NMU: variants seen among roughly 807,000 people sequenced by gnomAD.
NMU encodes the protein neuromedin-U.
A neutral mutation model predicts 35.4 loss-of-function variants in NMU; 29 were observed. The observed-to-expected ratio is 0.82, with a 90% CI of 0.61 to 1.12. The LOEUF is 1.12. NMU is among the 50% of genes most tolerant of loss of function. The probability of loss-of-function intolerance (pLI) is 0.00; values close to 1 mark genes in which losing one functional copy is unlikely to be tolerated. For missense variants in NMU, 199 were observed against 206.2 expected (o/e 0.97, Z 0.21); for synonymous variants, 78 against 81.3 (o/e 0.96, Z 0.22).
At chr4:55,632,088 A>G (rs1027743723) in intron 1 of NMU, among the ~76,000 whole-genome samples, 6 of 152,200 alleles carry the variant, frequency 3.9e-5, no homozygotes, top group Non-Finnish European at 8.8e-5. Flanking sequence ...GTTACCACTT[A>G]TAAGTGGGAG....
At chr4:55,633,150 T>C (rs1034369228) in intron 1 of NMU, among the ~76,000 whole-genome samples, 31 of 151,816 alleles carry the variant, frequency 2.0e-4, no homozygotes, top group South Asian at 1.0e-3. Flanking sequence ...TGGTGAAACC[T>C]CGTCTCTACT....
intron 6 of NMU, among the ~76,000 whole-genome samples, chr4:55,605,842 A>G (rs1733664827): frequency 1.3e-5 from 2 of 152,258 alleles, no homozygotes; most frequent in East Asian, 3.8e-4. Context: ...GAGCAAGACA[A>G]CAATGTGTGA....
intron 3 of NMU, among the ~76,000 whole-genome samples, chr4:55,610,438 G>A (rs543268104): frequency 3.8e-4 from 57 of 151,800 alleles, no homozygotes; most frequent in Non-Finnish European, 6.3e-4. Context: ...ACTCCAGCCT[G>A]GGTGATGGAG....
intron 1 of NMU, among the ~76,000 whole-genome samples, chr4:55,632,950 G>A (rs1336508853): frequency 4.9e-5 from 7 of 144,242 alleles, no homozygotes; most frequent in African/African-American, 1.0e-4. Flanking sequence ...TAAAAAACAC[G>A]TAAACACAGT....
At chr4:55,609,732 A>C (rs1013176726) in intron 3 of NMU, among the ~76,000 whole-genome samples, 2 of 152,252 alleles carry the variant, frequency 1.3e-5, no homozygotes, top group Non-Finnish European at 2.9e-5. Context: ...GGTTTTTCAA[A>C]GCATTCGAGC....
At chr4:55,634,159 T>C (rs979072635) in intron 1 of NMU, among the ~76,000 whole-genome samples, 4 of 152,222 alleles carry the variant, frequency 2.6e-5, no homozygotes, top group African/African-American at 9.6e-5. Context: ...TGATTGATCA[T>C]GGTAGATAAT....
chr4:55,608,572 A>G (rs1261427619), intron 4 of NMU, among the ~76,000 whole-genome samples: 4 of 152,228 alleles, frequency 2.6e-5, no homozygotes, highest in African/African-American at 9.6e-5. Context: ...TCCATAAGAT[A>G]GAGATTATAA....
At chr4:55,600,844 C>T (rs182025406) in intron 7 of NMU, among the ~76,000 whole-genome samples, 14 of 151,952 alleles carry the variant, frequency 9.2e-5, no homozygotes, top group Non-Finnish European at 2.1e-4. Context: ...GTGAATTCAT[C>T]AATAAGTAGA....
At chr4:55,607,866 A>C (rs1733755228) in intron 4 of NMU, among the ~76,000 whole-genome samples, 1 of 152,130 alleles carries the variant, frequency 6.6e-6, no homozygotes, top group African/African-American at 2.4e-5. Context: ...GTTGGTTTTG[A>C]TGTCTTCCAT....
chr4:55,636,504 G>T (rs1230282987), upstream of NMU: 1 of 334,766 alleles, frequency 3.0e-6, no homozygotes, highest in Non-Finnish European at 5.3e-6. The surrounding 1 kb of genome is among the most constrained non-coding windows in gnomAD (Gnocchi z 4.0). Flanking sequence ...TTTCGCTCTG[G>T]GATAAAGAGA....
chr4:55,618,698 TCTTC>T (rs796473420), intron 2 of NMU, among the ~76,000 whole-genome samples: 2,637 of 72,364 alleles, frequency 0.036, 69 homozygotes, highest in African/African-American at 0.093. Context: ...TTCTTCTCTC[TCTTC>T]TTTCTTTTTC....
chr4:55,613,074 G>A (rs527685603), intron 3 of NMU, among the ~76,000 whole-genome samples: 3 of 152,208 alleles, frequency 2.0e-5, no homozygotes, highest in East Asian at 1.9e-4. Context: ...AATACCACAC[G>A]TTCTCACTTA....
chr4:55,607,899 G>A (rs1365508154), intron 4 of NMU, among the ~76,000 whole-genome samples: 1 of 152,172 alleles, frequency 6.6e-6, no homozygotes, highest in Non-Finnish European at 1.5e-5. Flanking sequence ...AGCCGGGCGC[G>A]GTGGCTTGCG....
chr4:55,612,087 A>G (rs1389350036), intron 3 of NMU, among the ~76,000 whole-genome samples: 1 of 152,120 alleles, frequency 6.6e-6, no homozygotes, highest in East Asian at 1.9e-4. Context: ...CTGCGAGAAA[A>G]ACTAGAGTGT....
intron 2 of NMU, among the ~76,000 whole-genome samples, chr4:55,625,031 G>T (rs1285462981): frequency 2.4e-5 from 2 of 84,996 alleles, no homozygotes; most frequent in Non-Finnish European, 4.6e-5. Flanking sequence ...GGTGGGGGGA[G>T]GGGGGAGGGA....
chr4:55,611,963 A>G (rs1354988802), intron 3 of NMU, among the ~76,000 whole-genome samples: 1 of 152,218 alleles, frequency 6.6e-6, no homozygotes, highest in Non-Finnish European at 1.5e-5. Context: ...CACTTGCCCA[A>G]TACCACACAT....
Position 55,607,294 on chromosome 4 carries a change from T to C in NMU, c.360+4A>G, listed in dbSNP as rs753332706. 1 of 1,596,906 alleles carries C rather than the reference T, an allele frequency of 6.3e-7. No individual in the cohort carries two copies. Among genetic ancestry groups the C allele is most frequent in the Admixed American group, 1.7e-5 (1 of 59,968 alleles). The stretch of plus-strand genomic sequence containing the variant: ...GATTACTAAGAAGTAGTTCTACAAC[T>C]TACCACAACATTTGACTTGCCCAAC... On this transcript the variant is annotated splice_donor_region_variant and intron_variant, in intron 6 of 9. Coordinates refer to ENST00000264218, the MANE Select transcript of NMU (RefSeq NM_006681.4).
chr4:55,616,481 C>T, intron 2 of NMU, 96 bp from the exon 3 acceptor site: 1 of 912,088 alleles, frequency 1.1e-6, no homozygotes, highest in Non-Finnish European at 1.8e-6. Flanking sequence ...GAACATTAAC[C>T]ACAGTTCCAT....
At chr4:55,633,768 A>G (rs921036961) in intron 1 of NMU, among the ~76,000 whole-genome samples, 2 of 152,346 alleles carry the variant, frequency 1.3e-5, no homozygotes, top group African/African-American at 2.4e-5. Context: ...AGAAATCGTT[A>G]CTGCCAAGTG....
Sources: gnomAD v4.1 joint callset for allele counts (sites outside exome capture counted in the v4.1 genomes callset) on GRCh38, gnomAD v4.1.1 for gene constraint, Gnocchi (gnomAD v3.1) non-coding constraint, MANE v1.5 for transcripts, NCBI Gene and HGNC (gene_info 2026-07-23, HGNC 2026-07-21) for gene names.